LPP: variants seen among roughly 807,000 people sequenced by gnomAD.
The protein encoded by LPP is lipoma-preferred partner.
LPP carries 38 observed loss-of-function variants against 60.4 expected under a neutral mutation model. The observed-to-expected ratio is 0.63, with a 90% CI of 0.49 to 0.83. The LOEUF is 0.83. Among genes scored for constraint, LPP ranks in the 40% least tolerant of loss-of-function variants. The pLI is 0.00. For synonymous variants in LPP, 328 were observed against 290.8 expected (o/e 1.13, Z -1.30); for missense variants, 902 against 783.6 (o/e 1.15, Z -1.80).
At chr3:188,248,290 C>T (rs752568455) in intron 2 of LPP, among the ~76,000 whole-genome samples, 3 of 151,564 alleles carry the variant, frequency 2.0e-5, no homozygotes, top group Non-Finnish European at 4.4e-5. Context: ...TGGGACCTGC[C>T]TTCTTTTTAT....
chr3:188,168,035 AG>A (rs1278512782), intron 1 of LPP, among the ~76,000 whole-genome samples: 1 of 152,260 alleles, frequency 6.6e-6, no homozygotes, highest in Non-Finnish European at 1.5e-5. Context: ...ATTTAGAAAT[AG>A]TCTGGGCTGA....
At chr3:188,202,182 A>G (rs1442509792) in intron 1 of LPP, among the ~76,000 whole-genome samples, 1 of 152,050 alleles carries the variant, frequency 6.6e-6, no homozygotes, top group African/African-American at 2.4e-5. Flanking sequence ...GGCACCATGC[A>G]TCATGTAAAC....
chr3:188,658,805 C>T (rs564854994), intron 7 of LPP, among the ~76,000 whole-genome samples: 1 of 152,312 alleles, frequency 6.6e-6, no homozygotes, highest in Admixed American at 6.5e-5. Flanking sequence ...GTGTGACAAT[C>T]TGGTCCTTTG....
At chr3:188,458,027 A>G (rs146371546) in intron 4 of LPP, among the ~76,000 whole-genome samples, 1 of 152,298 alleles carries the variant, frequency 6.6e-6, no homozygotes, top group East Asian at 1.9e-4. Flanking sequence ...AGCAGCAGAT[A>G]TTGTATTTTT....
At chr3:188,624,055 T>C (rs568764931) in intron 7 of LPP, among the ~76,000 whole-genome samples, 1 of 152,334 alleles carries the variant, frequency 6.6e-6, no homozygotes, top group East Asian at 1.9e-4. Flanking sequence ...TGAGTTCTGA[T>C]AGATGCAAGA....
intron 7 of LPP, among the ~76,000 whole-genome samples, chr3:188,690,031 A>G (rs1861756478): frequency 6.6e-6 from 1 of 152,132 alleles, no homozygotes; most frequent in African/African-American, 2.4e-5. Flanking sequence ...ACTTTATCAC[A>G]AGGTAACCCA....
At chr3:188,441,769 C>T (rs1287243453) in intron 4 of LPP, among the ~76,000 whole-genome samples, 8 of 151,272 alleles carry the variant, frequency 5.3e-5, no homozygotes, top group African/African-American at 1.5e-4. Flanking sequence ...TACAGGCGCC[C>T]GCCACCACGC....
At position 188,415,873 on chromosome 3, in the gene LPP, A is replaced by G. The variant is rs375099023; in HGVS notation, c.193+9560A>G. ...GTACCTCAATTGGAGTGATGATTAC[A>G]TGAATCTATACATGGGATAAAGTTA... On this transcript the variant is annotated intron_variant, in intron 4 of 11. Coordinates refer to ENST00000617246, the MANE Select transcript of LPP (RefSeq NM_001375462.1). Among the ~76,000 whole-genome samples the G allele has an allele frequency of 2.5e-4, 38 of 152,258 alleles. No individual in the cohort carries two copies. The South Asian group carries it at 7.7e-3, about 31-fold the overall frequency.
At position 188,887,719 on chromosome 3, in the gene LPP, T is replaced by C. The variant is rs1005448963; in HGVS notation, c.*13240T>C. 2 of 210,880 alleles carry C rather than the reference T, an allele frequency of 9.5e-6. No individual in the cohort carries two copies. Among genetic ancestry groups the C allele is most frequent in the African/African-American group, 4.5e-5 (2 of 44,100 alleles). The allele number at this position is 210,880 out of a possible 1,614,324, so 13.1% of individuals were successfully genotyped here. A position where few individuals can be genotyped will look rare whatever the true frequency, so the allele number is the denominator to read the frequency against. On this transcript the variant is annotated 3_prime_UTR_variant, in exon 12 of 12. Coordinates refer to ENST00000617246, the MANE Select transcript of LPP (RefSeq NM_001375462.1). ...ATCCTTCTAGCATAATGGAGAAGTC[T>C]GAACTGAGGAGTATCTTTGATGAAA...
chr3:188,651,814 G>A (rs1268639958), intron 7 of LPP, among the ~76,000 whole-genome samples: 1 of 152,168 alleles, frequency 6.6e-6, no homozygotes, highest in African/African-American at 2.4e-5. Context: ...GGGAATTAAA[G>A]ATGAGATTTG....
chr3:188,565,148 G>A (rs1831823077), intron 6 of LPP, among the ~76,000 whole-genome samples: 1 of 151,896 alleles, frequency 6.6e-6, no homozygotes. Flanking sequence ...TTCAATGTCT[G>A]ATCCAACTAG....
At chr3:188,525,251 C>T (rs1820270375) in intron 6 of LPP, among the ~76,000 whole-genome samples, 1 of 152,182 alleles carries the variant, frequency 6.6e-6, no homozygotes, top group African/African-American at 2.4e-5. Context: ...AGGCCTGAGC[C>T]ACCATGCCCG....
chr3:188,536,002 A>ATTTTTTTTT (rs11293389), intron 6 of LPP, among the ~76,000 whole-genome samples: 1 of 121,760 alleles, frequency 8.2e-6, no homozygotes, highest in Non-Finnish European at 1.7e-5. Context: ...TATTACATGA[A>ATTTTTTTTT]TTTTTTTTTT....
chr3:188,721,125 A>G (rs1716191699), intron 8 of LPP, among the ~76,000 whole-genome samples: 1 of 152,164 alleles, frequency 6.6e-6, no homozygotes, highest in Non-Finnish European at 1.5e-5. Flanking sequence ...TAATATTTTT[A>G]TTTAAATCAA....
chr3:188,734,547 G>A (rs930020468), intron 8 of LPP, among the ~76,000 whole-genome samples: 10 of 152,142 alleles, frequency 6.6e-5, no homozygotes, highest in African/African-American at 2.4e-4. Context: ...AATTCCTCAG[G>A]GAGCAACAAA....
intron 9 of LPP, among the ~76,000 whole-genome samples, chr3:188,767,580 TGG>T (rs1177910649): frequency 6.6e-6 from 1 of 152,144 alleles, no homozygotes; most frequent in African/African-American, 2.4e-5. Context: ...TAAATCTGCA[TGG>T]GAGATTTAGA....
intron 4 of LPP, among the ~76,000 whole-genome samples, chr3:188,435,705 G>A (rs536211696): frequency 3.3e-5 from 5 of 152,206 alleles, no homozygotes; most frequent in African/African-American, 1.2e-4. Flanking sequence ...TAATCTCTGT[G>A]ATGTCACTTT....
rs1842668360 is a variant in LPP at position 188,607,396 on chromosome 3, TA to T, written c.430-1764del. Among the ~76,000 whole-genome samples, 282 of 30,848 alleles carry T rather than the reference TA, an allele frequency of 9.1e-3. 9 individuals carry two copies. The highest frequency in any genetic ancestry group is 0.04 in the African/African-American group (269 of 6,716). 20.2% of individuals were successfully genotyped at this position (30,848 alleles called of 152,430 possible). On this transcript the variant is annotated intron_variant, in intron 6 of 11. Transcript: ENST00000617246. ...ATATATATATATATATATATATATA[TA>T]TATATATATATATATATATAATTTT...
intron 3 of LPP, among the ~76,000 whole-genome samples, chr3:188,355,040 C>T (rs1405286234): frequency 2.6e-5 from 4 of 152,102 alleles, no homozygotes; most frequent in Non-Finnish European, 5.9e-5. Context: ...GACAGAGTCT[C>T]GCTCTGTCAC....
Sources: allele counts gnomAD v4.1 joint callset (sites outside exome capture counted in the v4.1 genomes callset), GRCh38; gene constraint gnomAD v4.1.1; transcripts MANE v1.5; gene names NCBI Gene and HGNC (gene_info 2026-07-23, HGNC 2026-07-21).